The following CDH13 variants were observed in gnomAD, a reference collection of about 807,000 sequenced individuals.
CDH13 encodes cadherin-13.
CDH13 carries 24 observed loss-of-function variants against 63.8 expected under a neutral mutation model. The observed-to-expected ratio is 0.38, with a 90% CI of 0.27 to 0.53. CDH13 has a LOEUF of 0.53. CDH13 is among the 20% of genes least tolerant of loss of function. The pLI is 0.85. For missense variants in CDH13, 1,049 were observed against 903.1 expected (o/e 1.16, Z -2.07); for synonymous variants, 503 against 355.3 (o/e 1.42, Z -4.67).
chr16:82,813,855 TTCC>T (rs1279281420), intron 1 of CDH13, among the ~76,000 whole-genome samples: 1 of 152,220 alleles, frequency 6.6e-6, no homozygotes, highest in Admixed American at 6.5e-5. Flanking sequence ...GTATTAGCTA[TTCC>T]TCAGATGATT....
At chr16:83,063,222 A>G (rs1057039732) in intron 3 of CDH13, among the ~76,000 whole-genome samples, 12 of 152,084 alleles carry the variant, frequency 7.9e-5, no homozygotes, top group African/African-American at 2.9e-4. Flanking sequence ...TCAGCCTCCC[A>G]AAGTGCTGGA....
chr16:83,107,975 C>G (rs574546780), intron 3 of CDH13, among the ~76,000 whole-genome samples: 2 of 151,880 alleles, frequency 1.3e-5, no homozygotes, highest in African/African-American at 4.8e-5. Flanking sequence ...CCTGCCACCA[C>G]AGCCACCCAG....
chr16:83,334,357 T>TCACA (rs1231749192), intron 5 of CDH13, among the ~76,000 whole-genome samples: 5 of 58,374 alleles, frequency 8.6e-5, no homozygotes, highest in African/African-American at 3.8e-4. Flanking sequence ...TCTCTCTCTC[T>TCACA]CTCTCACACA....
chr16:83,082,344 G>C (rs1487935592), intron 3 of CDH13, among the ~76,000 whole-genome samples: 3 of 152,134 alleles, frequency 2.0e-5, no homozygotes, highest in Non-Finnish European at 4.4e-5. Context: ...ACATTTTCCA[G>C]ATTCAGAAAG....
intron 5 of CDH13, among the ~76,000 whole-genome samples, chr16:83,292,738 A>C (rs960059345): frequency 6.6e-6 from 1 of 152,170 alleles, no homozygotes; most frequent in Non-Finnish European, 1.5e-5. Context: ...GTATTTGTGA[A>C]TATCCTCAGG....
At chr16:82,848,951 G>T (rs1003430967) in intron 1 of CDH13, among the ~76,000 whole-genome samples, 1 of 152,122 alleles carries the variant, frequency 6.6e-6, no homozygotes, top group Non-Finnish European at 1.5e-5. Flanking sequence ...GGAAACTAAA[G>T]GTGCTACTCC....
At chr16:82,739,577 T>C (rs947155646) in intron 1 of CDH13, among the ~76,000 whole-genome samples, 3 of 152,206 alleles carry the variant, frequency 2.0e-5, no homozygotes, top group East Asian at 1.9e-4. Flanking sequence ...TATTTATTTT[T>C]AAAAAGTGTT....
intron 5 of CDH13, among the ~76,000 whole-genome samples, chr16:83,274,208 G>T (rs990907416): frequency 2.0e-5 from 3 of 152,186 alleles, no homozygotes; most frequent in African/African-American, 7.2e-5. Flanking sequence ...TCTGCTGGGT[G>T]GGATTGCTGG....
chr16:82,785,581 A>G (rs2035965388), intron 1 of CDH13, among the ~76,000 whole-genome samples: 1 of 152,218 alleles, frequency 6.6e-6, no homozygotes, highest in South Asian at 2.1e-4. Context: ...TTTTAATAAC[A>G]TATACCATCT....
intron 6 of CDH13, among the ~76,000 whole-genome samples, chr16:83,483,404 A>G (rs1371225579): frequency 2.0e-5 from 3 of 152,150 alleles, no homozygotes; most frequent in Admixed American, 6.5e-5. Context: ...CCAACCTGTA[A>G]ACAAAAAGAT....
chr16:83,069,123 C>A (rs926508335), intron 3 of CDH13, among the ~76,000 whole-genome samples: 6 of 152,152 alleles, frequency 3.9e-5, no homozygotes, highest in Non-Finnish European at 8.8e-5. Context: ...TAAATTATTT[C>A]ATTTAATTGT....
chr16:82,753,863 A>G (rs1200446101), intron 1 of CDH13, among the ~76,000 whole-genome samples: 1 of 152,190 alleles, frequency 6.6e-6, no homozygotes, highest in African/African-American at 2.4e-5. Flanking sequence ...CCCATCTCCC[A>G]TCACCAAGGG....
At chr16:83,686,872 C>T (rs978586201) in intron 10 of CDH13, among the ~76,000 whole-genome samples, 2 of 152,074 alleles carry the variant, frequency 1.3e-5, no homozygotes, top group Non-Finnish European at 2.9e-5. Flanking sequence ...TTAATGGCAG[C>T]TGGGTTGGGG....
At chr16:83,370,894 C>T (rs2091354730) in intron 6 of CDH13, among the ~76,000 whole-genome samples, 1 of 152,090 alleles carries the variant, frequency 6.6e-6, no homozygotes. Flanking sequence ...TAGGTTGAAT[C>T]CCTGTCTTTA....
chr16:83,186,494 T>G (rs1304703228), intron 4 of CDH13, among the ~76,000 whole-genome samples: 1 of 152,164 alleles, frequency 6.6e-6, no homozygotes, highest in Non-Finnish European at 1.5e-5. Flanking sequence ...CCTCTGATGC[T>G]TGAGGTTCTC....
intron 1 of CDH13, among the ~76,000 whole-genome samples, chr16:82,676,895 T>C (rs189422461): frequency 6.6e-6 from 1 of 150,702 alleles, no homozygotes; most frequent in Non-Finnish European, 1.5e-5. Context: ...TGTTTTGTTT[T>C]GTTTTTTTCA....
intron 3 of CDH13, among the ~76,000 whole-genome samples, chr16:83,118,633 C>T (rs766122930): frequency 6.6e-6 from 1 of 152,154 alleles, no homozygotes; most frequent in Non-Finnish European, 1.5e-5. Flanking sequence ...AAGACTCATC[C>T]TTCATTTTTC....
chr16:82,917,930 AAAG>A (rs370513776), intron 2 of CDH13, among the ~76,000 whole-genome samples: 33,221 of 143,646 alleles, frequency 0.23, 5,033 homozygotes, highest in Non-Finnish European at 0.34. Flanking sequence ...AAAAAAAAAA[AAAG>A]GCATGTAAAG....
intron 6 of CDH13, among the ~76,000 whole-genome samples, chr16:83,436,699 C>A (rs916814310): frequency 1.2e-4 from 18 of 152,174 alleles, no homozygotes; most frequent in African/African-American, 3.9e-4. Context: ...TGTGTAATCC[C>A]AGTTTTCTGA....
Sources: allele counts gnomAD v4.1 joint callset (sites outside exome capture counted in the v4.1 genomes callset), GRCh38; gene constraint gnomAD v4.1.1; transcripts MANE v1.5; gene names NCBI Gene and HGNC (gene_info 2026-07-23, HGNC 2026-07-21).